Variants in AMOTL1 observed in about 807,000 individuals in gnomAD.
AMOTL1 encodes angiomotin like 1, also known as angiomotin-like protein 1.
Under a neutral mutation model 102.9 loss-of-function variants are expected in AMOTL1, and 45 were observed. The ratio of observed to expected loss-of-function variants is 0.44; its 90% CI spans 0.34 to 0.56. AMOTL1 has a LOEUF of 0.56. Among genes scored for constraint, AMOTL1 ranks in the 20% least tolerant of loss-of-function variants. The pLI, the probability that AMOTL1 is intolerant of heterozygous loss-of-function variation, is 0.01. For synonymous variants in AMOTL1, 481 were observed against 484.7 expected (o/e 0.99, Z 0.10); for missense variants, 1,114 against 1,225.6 (o/e 0.91, Z 1.36).
intron 6 of AMOTL1, among the ~76,000 whole-genome samples, chr11:94,847,764 G>A (rs1276946888): frequency 2.1e-5 from 3 of 143,828 alleles, no homozygotes; most frequent in Admixed American, 6.9e-5. Context: ...GTGGGGGGGT[G>A]TTGGAGGGGG....
chr11:94,762,508 A>T (rs1950805798), intron 3 of AMOTL1, among the ~76,000 whole-genome samples: 1 of 152,258 alleles, frequency 6.6e-6, no homozygotes, highest in African/African-American at 2.4e-5. Context: ...CAAATGTCAG[A>T]GGGCCAGGGT....
chr11:94,763,142 A>T (rs941631484), intron 3 of AMOTL1, among the ~76,000 whole-genome samples: 3 of 152,188 alleles, frequency 2.0e-5, no homozygotes, highest in Non-Finnish European at 4.4e-5. Flanking sequence ...CAGGCACCTG[A>T]TATTTCCAGA....
At position 94,872,243 on chromosome 11, in the gene AMOTL1, A is replaced by G. The variant is rs536817521; in HGVS notation, c.*1448A>G. The G allele has an allele frequency of 4.6e-5, 7 of 152,172 alleles. No homozygotes were observed. The South Asian group carries it at 1.0e-3, about 23-fold the overall frequency. The allele number at this position is 152,172 out of a possible 1,614,324, so 9.4% of individuals were successfully genotyped here. The stretch of plus-strand genomic sequence containing the variant: ...TCTGCAGACACTGGCTTCCTTTACA[A>G]ATCTAAGAGATGCTGGATTAGAAAA... On this transcript the variant is annotated 3_prime_UTR_variant, in exon 13 of 13. Coordinates refer to ENST00000433060, the MANE Select transcript of AMOTL1 (RefSeq NM_130847.3).
At chr11:94,855,211 C>T (rs1333023380) in intron 8 of AMOTL1, among the ~76,000 whole-genome samples, 2 of 152,220 alleles carry the variant, frequency 1.3e-5, no homozygotes, top group Non-Finnish European at 2.9e-5. Flanking sequence ...TGCACTCAGG[C>T]CAGCTCAGCC....
chr11:94,806,102 A>G (rs1951563683), intron 3 of AMOTL1, among the ~76,000 whole-genome samples: 1 of 152,254 alleles, frequency 6.6e-6, no homozygotes, highest in Admixed American at 6.5e-5. Flanking sequence ...CTCTGGGTAC[A>G]TGCCCACTGA....
chr11:94,759,571 CAAA>C (rs59815376), intron 3 of AMOTL1, among the ~76,000 whole-genome samples: 8 of 129,852 alleles, frequency 6.2e-5, no homozygotes, highest in Admixed American at 2.4e-4. Context: ...CTTTTAGGTG[CAAA>C]AAAAAAAAAA....
chr11:94,777,906 T>C (rs1019582757), intron 1 of AMOTL1, among the ~76,000 whole-genome samples: 1 of 152,168 alleles, frequency 6.6e-6, no homozygotes, highest in Non-Finnish European at 1.5e-5. Context: ...TAAAAGGATA[T>C]ATAGTTCATC....
intron 1 of AMOTL1, among the ~76,000 whole-genome samples, chr11:94,783,541 A>AT (rs1951140279): frequency 1.3e-5 from 2 of 152,248 alleles, no homozygotes; most frequent in Admixed American, 6.5e-5. Flanking sequence ...CTTTAGACAG[A>AT]TTTTTTAAGG....
At chr11:94,830,987 TAC>T (rs771464774) in intron 5 of AMOTL1, among the ~76,000 whole-genome samples, 40 of 152,256 alleles carry the variant, frequency 2.6e-4, no homozygotes, top group Non-Finnish European at 5.3e-4. Context: ...ACTTGCTGTG[TAC>T]AGTCTTCATA....
At chr11:94,731,836 C>T (rs1033870841) in intron 2 of AMOTL1, among the ~76,000 whole-genome samples, 1 of 152,212 alleles carries the variant, frequency 6.6e-6, no homozygotes, top group Non-Finnish European at 1.5e-5. Flanking sequence ...ACACTCCCTA[C>T]TCTGCCTTCA....
At chr11:94,767,028 T>C (rs1419932628), upstream of AMOTL1, among the ~76,000 whole-genome samples, 1 of 152,126 alleles carries the variant, frequency 6.6e-6, no homozygotes, top group Non-Finnish European at 1.5e-5. Context: ...GTGTCTGAAC[T>C]CCACCACCCT....
intron 1 of AMOTL1, among the ~76,000 whole-genome samples, chr11:94,710,044 T>C (rs1371823752): frequency 6.6e-6 from 1 of 152,202 alleles, no homozygotes; most frequent in Non-Finnish European, 1.5e-5. Flanking sequence ...TTTCTCACAC[T>C]CACACATACA....
chr11:94,820,676 G>T (rs1951847972), intron 3 of AMOTL1, among the ~76,000 whole-genome samples: 1 of 152,052 alleles, frequency 6.6e-6, no homozygotes, highest in African/African-American at 2.4e-5. Flanking sequence ...AAATAATTAT[G>T]CAACTCACCA....
In AMOTL1 at chr11:94,861,284, G is replaced by A. The variant is rs115395445; in HGVS notation, c.2135+1569G>A. Among the ~76,000 whole-genome samples, 374 of 152,266 alleles carry A rather than the reference G, an allele frequency of 2.5e-3. 5 individuals are homozygous for A. Among genetic ancestry groups the A allele is most frequent in the African/African-American group, 8.3e-3 (344 of 41,544 alleles). ...CCCTGCAGTATATGGATGGGCACAG[G>A]GAAGCCTTTTGAAACATTGGTTGAT... On this transcript the variant is annotated intron_variant, in intron 9 of 12. Transcript: ENST00000433060.
chr11:94,743,769 C>T (rs991491919), intron 3 of AMOTL1, among the ~76,000 whole-genome samples: 3 of 148,406 alleles, frequency 2.0e-5, no homozygotes, highest in Non-Finnish European at 4.4e-5. Context: ...ACCTATTCTC[C>T]TGCCTCAGCC....
chr11:94,847,546 T>G (rs1565379494), intron 6 of AMOTL1, among the ~76,000 whole-genome samples: 1 of 152,090 alleles, frequency 6.6e-6, no homozygotes. Flanking sequence ...GTAATAACAC[T>G]GTGATGTAGA....
chr11:94,738,765 G>A (rs942376903), intron 2 of AMOTL1, among the ~76,000 whole-genome samples: 1 of 152,138 alleles, frequency 6.6e-6, no homozygotes, highest in South Asian at 2.1e-4. Context: ...GAGAGTGAGG[G>A]GCAGAGAAAA....
chr11:94,749,922 C>A (rs1950631445), intron 3 of AMOTL1, among the ~76,000 whole-genome samples: 1 of 152,156 alleles, frequency 6.6e-6, no homozygotes, highest in Non-Finnish European at 1.5e-5. Context: ...GGTTGAGATT[C>A]AAGACTTTTG....
chr11:94,741,013 AT>A, intron 3 of AMOTL1: 1 of 1,288,030 alleles, frequency 7.8e-7, no homozygotes, highest in South Asian at 1.2e-5. Context: ...TTTGTCTTTT[AT>A]TTCTTGGTCG....
Sources: allele counts gnomAD v4.1 joint callset (sites outside exome capture counted in the v4.1 genomes callset), GRCh38; gene constraint gnomAD v4.1.1; transcripts MANE v1.5; gene names NCBI Gene and HGNC (gene_info 2026-07-23, HGNC 2026-07-21).